CNTNAP4: variants seen among roughly 807,000 people sequenced by gnomAD.
The protein encoded by CNTNAP4 is contactin associated protein family member 4.
A neutral mutation model predicts 148.4 loss-of-function variants in CNTNAP4; 98 were observed. That is an observed-to-expected ratio of 0.66 (90% confidence interval 0.56 to 0.78). The LOEUF (loss-of-function observed/expected upper bound fraction) is 0.78. CNTNAP4 is among the 30% of genes least tolerant of loss of function. The pLI, the probability that CNTNAP4 is intolerant of heterozygous loss-of-function variation, is 0.00. For synonymous variants in CNTNAP4, 730 were observed against 565.1 expected (o/e 1.29, Z -4.14); for missense variants, 1,935 against 1,565.6 (o/e 1.24, Z -3.98).
chr16:76,442,205 C>A (rs11645387), intron 4 of CNTNAP4, among the ~76,000 whole-genome samples: 4 of 151,958 alleles, frequency 2.6e-5, no homozygotes, highest in Non-Finnish European at 2.9e-5. Context: ...TGACACTGGT[C>A]ACATGAAGGA....
chr16:76,351,435 C>T (rs1203768173), intron 2 of CNTNAP4, among the ~76,000 whole-genome samples: 4 of 152,084 alleles, frequency 2.6e-5, no homozygotes, highest in Non-Finnish European at 5.9e-5. Context: ...TAGCTTATGT[C>T]TTCCATTTTA....
intron 4 of CNTNAP4, among the ~76,000 whole-genome samples, chr16:76,447,355 A>AC: frequency 1.2e-5 from 1 of 82,640 alleles, no homozygotes; most frequent in South Asian, 3.3e-4. Flanking sequence ...TATATATGAA[A>AC]TTATATATAT....
At chr16:76,483,927 G>T (rs1245638920) in intron 12 of CNTNAP4, among the ~76,000 whole-genome samples, 1 of 151,846 alleles carries the variant, frequency 6.6e-6, no homozygotes, top group Non-Finnish European at 1.5e-5. Context: ...TATATCTTAT[G>T]TTTATTATGG....
intron 15 of CNTNAP4, among the ~76,000 whole-genome samples, chr16:76,503,901 C>T (rs1365718324): frequency 6.6e-6 from 1 of 151,720 alleles, no homozygotes; most frequent in Non-Finnish European, 1.5e-5. Context: ...TTTATACTAG[C>T]ACCAACAACA....
At chr16:76,314,273 A>G (rs542577503) in intron 1 of CNTNAP4, among the ~76,000 whole-genome samples, 55 of 152,336 alleles carry the variant, frequency 3.6e-4, no homozygotes, top group Admixed American at 9.1e-4. Context: ...AGCCCAAGAA[A>G]GGGTTCTTGA....
In CNTNAP4 at chr16:76,310,121, C is replaced by A. The variant is rs114757917; in HGVS notation, c.86-6292C>A. Among the ~76,000 whole-genome samples the A allele has an allele frequency of 6.1e-3, 935 of 152,068 alleles. 3 individuals carry two copies. Among genetic ancestry groups the A allele is most frequent in the African/African-American group, 0.021 (866 of 41,478 alleles). ...TGCTACAGGTTCTGTTTTTTGCATG[C>A]AGACTGGCCATTTGCCATTTGTGTA... On this transcript the variant is annotated intron_variant, in intron 1 of 23. Coordinates refer to ENST00000611870, the MANE Select transcript of CNTNAP4 (RefSeq NM_033401.5).
chr16:76,476,065 T>G lies in CNTNAP4; in HGVS notation c.1762+20T>G. On this transcript the variant is annotated intron_variant, in intron 11 of 23. Transcript: ENST00000611870. Reference sequence around the variant, plus strand: ...ATAACTGTAAGCGGAACACATCTGCTTTTTCTTGCCCCTGTGATGGTTTCT... The same window carrying G: ...ATAACTGTAAGCGGAACACATCTGCGTTTTCTTGCCCCTGTGATGGTTTCT... 6.5e-7 allele frequency: 1 copy of G among 1,531,770 alleles called. No homozygotes were observed. Among genetic ancestry groups the G allele is most frequent in the Non-Finnish European group, 9.0e-7 (1 of 1,105,220 alleles). The allele number at this position is 1,531,770 out of a possible 1,614,324, so 94.9% of individuals were successfully genotyped here.
At chr16:76,423,413 A>T (rs1427222501) in intron 3 of CNTNAP4, among the ~76,000 whole-genome samples, 7 of 152,132 alleles carry the variant, frequency 4.6e-5, no homozygotes, top group Non-Finnish European at 8.8e-5. Flanking sequence ...ATTCGTTTCT[A>T]AAGAAACACC....
At chr16:76,549,754 G>A (rs998428066) in intron 21 of CNTNAP4, among the ~76,000 whole-genome samples, 1 of 152,130 alleles carries the variant, frequency 6.6e-6, no homozygotes, top group Non-Finnish European at 1.5e-5. Flanking sequence ...AGTGAATGAA[G>A]TATTTGACCC....
intron 3 of CNTNAP4, among the ~76,000 whole-genome samples, chr16:76,419,089 G>A (rs987831073): frequency 6.6e-6 from 1 of 151,968 alleles, no homozygotes; most frequent in Non-Finnish European, 1.5e-5. Flanking sequence ...CAATTTAAGT[G>A]TTTCAGTGGG....
chr16:76,549,341 G>A (rs751544800), intron 21 of CNTNAP4, among the ~76,000 whole-genome samples: 15 of 152,152 alleles, frequency 9.9e-5, no homozygotes, highest in Non-Finnish European at 1.9e-4. Context: ...GCTGAGTGAG[G>A]AGAGGTTTCT....
chr16:76,500,599 CT>C (rs5818000), intron 15 of CNTNAP4, among the ~76,000 whole-genome samples: 111,114 of 148,466 alleles, frequency 0.75, 42,523 homozygotes, highest in Middle Eastern at 0.84. Context: ...CTGTAAATCT[CT>C]TTTTTTTTTT....
Position 76,559,270 on chromosome 16 carries a change from A to G in CNTNAP4, c.*587A>G, listed in dbSNP as rs1330994296. On this transcript the variant is annotated 3_prime_UTR_variant, in exon 24 of 24. Coordinates refer to ENST00000611870, the MANE Select transcript of CNTNAP4 (RefSeq NM_033401.5). ...TGTCTTTGCTTTGTTTGTATTGCTC[A>G]TTATTCTATTTGTCTCTTCTTAATA... 1 of 152,130 alleles carries G rather than the reference A, an allele frequency of 6.6e-6. No individual in the cohort carries two copies. The highest frequency in any genetic ancestry group is 2.4e-5 in the African/African-American group (1 of 41,418). The allele number at this position is 152,130 out of a possible 1,614,324, so 9.4% of individuals were successfully genotyped here. A position where few individuals can be genotyped will look rare whatever the true frequency, so the allele number is the denominator to read the frequency against.
chr16:76,495,626 G>A (rs972663084), intron 14 of CNTNAP4, among the ~76,000 whole-genome samples: 2 of 151,554 alleles, frequency 1.3e-5, no homozygotes, highest in African/African-American at 4.8e-5. Flanking sequence ...TTATGCATGT[G>A]TTCTTTGTCT....
chr16:76,535,397 T>C (rs577169226), intron 17 of CNTNAP4, 148 bp from the exon 18 acceptor site: 20 of 742,126 alleles, frequency 2.7e-5, no homozygotes, highest in Non-Finnish European at 3.9e-5. Context: ...TCTTGGAGTC[T>C]ATATTTGACC....
chr16:76,530,967 C>A (rs2083958864), intron 17 of CNTNAP4, among the ~76,000 whole-genome samples: 1 of 152,192 alleles, frequency 6.6e-6, no homozygotes, highest in Middle Eastern at 3.2e-3. Flanking sequence ...GCCCAGCCTG[C>A]ATGCCCTGTC....
At chr16:76,380,615 C>G (rs1367394678) in intron 3 of CNTNAP4, among the ~76,000 whole-genome samples, 1 of 151,996 alleles carries the variant, frequency 6.6e-6, no homozygotes, top group Non-Finnish European at 1.5e-5. Flanking sequence ...TAAATGTGAT[C>G]GGGGGAGTGG....
At chr16:76,557,200 T>C (rs2085233036) in intron 23 of CNTNAP4, among the ~76,000 whole-genome samples, 1 of 152,218 alleles carries the variant, frequency 6.6e-6, no homozygotes, top group Non-Finnish European at 1.5e-5. Context: ...AATTTTTCAT[T>C]TGAAAACTTG....
In CNTNAP4 at chr16:76,506,819, G is replaced by A. The variant is rs1358268589; in HGVS notation, c.2365+8125G>A. On this transcript the variant is annotated intron_variant, in intron 15 of 23. Coordinates refer to ENST00000611870, the MANE Select transcript of CNTNAP4 (RefSeq NM_033401.5). ...TTCCACATGCTGCTGCCGGTCCATG[G>A]ACCACTCCATGTAGTGCTGCCCCCA... 7.3e-5 allele frequency among the ~76,000 whole-genome samples: 7 copies of A among 95,252 alleles called. 3 individuals carry two copies. The highest frequency in any genetic ancestry group is 1.8e-4 in the Non-Finnish European group (6 of 33,630). 62.5% of individuals were successfully genotyped at this position (95,252 alleles called of 152,430 possible).
Sources: allele counts gnomAD v4.1 joint callset (sites outside exome capture counted in the v4.1 genomes callset), GRCh38; gene constraint gnomAD v4.1.1; transcripts MANE v1.5; gene names NCBI Gene and HGNC (gene_info 2026-07-23, HGNC 2026-07-21).